The following HSPG2 variants were observed in gnomAD, a reference collection of about 807,000 sequenced individuals.
The protein encoded by HSPG2 is basement membrane-specific heparan sulfate proteoglycan core protein.
HSPG2 carries 278 observed loss-of-function variants against 526.6 expected under a neutral mutation model. The ratio of observed to expected loss-of-function variants is 0.53; its 90% confidence interval spans 0.48 to 0.58. The LOEUF (loss-of-function observed/expected upper bound fraction) is 0.58, where lower values mean the gene tolerates loss of function less well. HSPG2 is among the 20% of genes least tolerant of loss of function. The pLI is 0.00. For missense variants in HSPG2, 5,354 were observed against 6,099.5 expected, an observed-to-expected ratio of 0.88 and a Z score of 4.07; for synonymous variants, 2,465 against 2,555.4, an observed-to-expected ratio of 0.96 and a Z score of 1.07.
intron 1 of HSPG2, among the ~76,000 whole-genome samples, chr1:21,919,706 C>A (rs940121457): frequency 6.6e-6 from 1 of 152,172 alleles, no homozygotes; most frequent in African/African-American, 2.4e-5. Context: ...CGTGCAGATT[C>A]TGAGTCAGTA....
intron 25 of HSPG2, among the ~76,000 whole-genome samples, chr1:21,875,421 C>A (rs576867976): frequency 2.6e-5 from 4 of 152,294 alleles, no homozygotes; most frequent in South Asian, 4.1e-4. Context: ...ATCACATGCA[C>A]CCCAATCCCC....
rs2229493 is a variant in HSPG2, at chr1:21,833,550, C to T, written c.10895G>A (p.Arg3632Gln). ...ENNMLMLPSVRPQDAGTYVCT... is the reference protein window; with the variant it reads ...ENNMLMLPSVQPQDAGTYVCT... ...GACGTAGGTACCTGCGTCCTGGGGT[C>T]GGACTGAGGGCAGCATCAGCATGTT... The change falls in exon 79 of 97, where the codon CGA becomes CAA. Residue 3632 changes from arginine (R) to glutamine (Q), a missense_variant. Transcript: ENST00000374695. 0.084 allele frequency: 136,107 copies of T among 1,613,860 alleles called. 6,534 individuals carry two copies. Among genetic ancestry groups the T allele is most frequent in the African/African-American group, 0.18 (13,239 of 74,938 alleles).
intron 1 of HSPG2, among the ~76,000 whole-genome samples, chr1:21,902,724 C>T (rs1643167950): frequency 3.9e-5 from 6 of 152,364 alleles, no homozygotes; most frequent in Middle Eastern, 6.8e-3. Context: ...CCATCCAGGG[C>T]TTCTCGGGAG....
In HSPG2 at chr1:21,828,855, A is replaced by C; in HGVS notation, c.12217T>G (p.Phe4073Val). The C allele has an allele frequency of 6.4e-7, 1 of 1,551,212 alleles. No individual in the cohort carries two copies. Among genetic ancestry groups the C allele is most frequent in the Non-Finnish European group, 8.7e-7 (1 of 1,147,146 alleles). Residue 4073 changes from phenylalanine to valine, a missense_variant, in exon 88 of 97, where the codon TTC (phenylalanine) becomes GTC (valine). Coordinates refer to ENST00000374695, the MANE Select transcript of HSPG2 (RefSeq NM_005529.7). The surrounding 1 kb of genome is among the most constrained non-coding windows in gnomAD (Gnocchi z 6.0). The stretch of plus-strand genomic sequence containing the variant: ...CTTACCTCGCCCACACAGCCGCGGA[A>C]GTGAGCGCTCATGTTGGTGGCCGGG... Reference protein sequence around the residue: ...LSPATNMSAHFRGCVGEVSVN... With the variant: ...LSPATNMSAHVRGCVGEVSVN...
chr1:21,895,408 C>T lies in HSPG2; in HGVS notation c.244+514G>A, dbSNP rs1297783429. Among the ~76,000 whole-genome samples, 3 of 152,148 alleles carry T rather than the reference C, an allele frequency of 2.0e-5. No individual in the cohort carries two copies. The highest frequency in any genetic ancestry group is 4.8e-5 in the African/African-American group (2 of 41,430). ...TGCCTCCCTAAGCTAGGAACCCTTG[C>T]TTCCCAGCCGATGACCCACCTTAAG... On this transcript the variant is annotated intron_variant, in intron 3 of 96. Coordinates refer to ENST00000374695, the MANE Select transcript of HSPG2 (RefSeq NM_005529.7). This position sits in a 1 kb window ranked among gnomAD's most constrained non-coding sequence, Gnocchi z 4.1.
chr1:21,872,856 C>A lies in HSPG2; in HGVS notation c.3889-96G>T, dbSNP rs755108580. 34 of 1,546,040 alleles carry A rather than the reference C, an allele frequency of 2.2e-5. No individual in the cohort carries two copies. The highest frequency in any genetic ancestry group is 1.7e-4 in the Middle Eastern group (1 of 5,988). ...CAGCCTCCCTGGCCACTTCCAGCAG[C>A]CCCGGGCAGCCCCTGCCCTGTCCCC... On this transcript the variant is annotated intron_variant, in intron 31 of 96. Transcript: ENST00000374695. This position sits in a 1 kb window ranked among gnomAD's most constrained non-coding sequence, Gnocchi z 5.5.
chr1:21,864,986 C>T lies in HSPG2; in HGVS notation c.4483G>A (p.Ala1495Thr), dbSNP rs1198962920. ...LADLDELLIR[A>T]TFSSVPLAAS... Reference sequence around the variant, plus strand: ...GCCAGCGGCACGGAGGAGAACGTGGCCCGGATCAGGAGCTCATCCAGGTCG... The same window carrying T: ...GCCAGCGGCACGGAGGAGAACGTGGTCCGGATCAGGAGCTCATCCAGGTCG... Residue 1495 changes from alanine (A) to threonine (T), a missense_variant, in exon 36 of 97, where the codon GCC (alanine) becomes ACC (threonine). Physicochemically the swap from Ala to Thr is moderately conservative, Grantham distance 58. Transcript: ENST00000374695. This position sits in a 1 kb window ranked among gnomAD's most constrained non-coding sequence, Gnocchi z 4.8. 5 of 1,587,812 alleles carry T rather than the reference C, an allele frequency of 3.1e-6. No homozygotes were observed. Among genetic ancestry groups the T allele is most frequent in the Non-Finnish European group, 3.4e-6 (4 of 1,169,354 alleles).
intron 75 of HSPG2, 91 bp downstream of exon 75, chr1:21,836,711 T>C (rs1482000116): frequency 9.0e-7 from 1 of 1,110,494 alleles, no homozygotes; most frequent in Non-Finnish European, 1.3e-6. Flanking sequence ...GTGCTTCATG[T>C]TGCGCCCCCT....
At position 21,864,193 on chromosome 1, in the gene HSPG2, C is replaced by T. The variant is rs148362276; in HGVS notation, c.4647G>A (p.Thr1549=). The T allele has an allele frequency of 3.9e-4, 613 of 1,552,798 alleles. No individual in the cohort carries two copies. Among genetic ancestry groups the T allele is most frequent in the Non-Finnish European group, 5.1e-4 (585 of 1,148,006 alleles). ...LSCQDCAPGY[T]RTGSGLYLGH... ...CGAGGTAGAGCCCACTCCCGGTGCG[C>T]GTGTAGCCGGGGGCACAGTCCTAGG... The change falls in exon 37 of 97, where the codon ACG becomes ACA. Residue 1549 remains threonine, a synonymous_variant. Transcript: ENST00000374695. This position sits in a 1 kb window ranked among gnomAD's most constrained non-coding sequence, Gnocchi z 4.8.
rs2098051032 is a variant in HSPG2 at position 21,842,113 on chromosome 1, G to T, written c.9082C>A (p.Pro3028Thr). The change falls in exon 69 of 97, where the codon CCG becomes ACG. Residue 3028 changes from proline to threonine, a missense_variant. By Grantham distance (38) the Pro-to-Thr change is conservative. Coordinates refer to ENST00000374695, the MANE Select transcript of HSPG2 (RefSeq NM_005529.7). ...CCCTGCTGCACGGTGCTGCTGGGCGGGTCGATGGAGATGACCGGGCTCCTA... is the reference window on the plus strand; with the variant it reads ...CCCTGCTGCACGGTGCTGCTGGGCGTGTCGATGGAGATGACCGGGCTCCTA... ...RLRSPVISID[P>T]PSSTVQQGQD... 6.2e-7 allele frequency: 1 copy of T among 1,613,682 alleles called. No homozygotes were observed.
chr1:21,860,164 T>C lies in HSPG2; in HGVS notation c.5014+13A>G. 6.2e-7 allele frequency: 1 copy of C among 1,613,620 alleles called. No homozygotes were observed. The highest frequency in any genetic ancestry group is 1.1e-5 in the South Asian group (1 of 91,078). ...TGCCCATCGTCCCCATCCTGGGCCATGGTCCCACTTACTCTCTGGCAGGCA... is the reference window on the plus strand; with the variant it reads ...TGCCCATCGTCCCCATCCTGGGCCACGGTCCCACTTACTCTCTGGCAGGCA... On this transcript the variant is annotated intron_variant, in intron 40 of 96. Coordinates refer to ENST00000374695, the MANE Select transcript of HSPG2 (RefSeq NM_005529.7).
chr1:21,870,755 C>T (rs574566105), intron 33 of HSPG2: 269 of 842,792 alleles, frequency 3.2e-4, no homozygotes, highest in Admixed American at 1.7e-3. Context: ...TGCGCATCTC[C>T]CCACGCAGGG....
chr1:21,902,162 G>T (rs573461621), intron 1 of HSPG2, among the ~76,000 whole-genome samples: 1 of 152,160 alleles, frequency 6.6e-6, no homozygotes, highest in Non-Finnish European at 1.5e-5. Context: ...CTCAGAGCCC[G>T]ACACAAAGGC....
chr1:21,842,493 C>A, intron 67 of HSPG2, 113 bp from the exon 68 acceptor site: 1 of 1,229,312 alleles, frequency 8.1e-7, no homozygotes, highest in South Asian at 1.6e-5. Context: ...AGGGTCTCAG[C>A]TGGTAGGGCT....
In HSPG2 at chr1:21,839,018, C is replaced by A. The variant is rs1557691404; in HGVS notation, c.9957G>T (p.Gln3319His). ...GTGGGGGTGTCCCGTGAGCCAGGCA[C>A]TGGAGCTGCACCGTCTCCCCTGCCT... Reference protein sequence around the residue: ...SVQAGETVQLQCLAHGTPPLT... With the variant: ...SVQAGETVQLHCLAHGTPPLT... Residue 3319 changes from glutamine (Q) to histidine (H), a missense_variant, in exon 74 of 97, where the codon CAG becomes CAT. Gln to His is a conservative substitution (Grantham distance 24). Coordinates refer to ENST00000374695, the MANE Select transcript of HSPG2 (RefSeq NM_005529.7). The surrounding 1 kb of genome is among the most constrained non-coding windows in gnomAD (Gnocchi z 4.5). 1 of 1,607,754 alleles carries A rather than the reference C, an allele frequency of 6.2e-7. No homozygotes were observed. Among genetic ancestry groups the A allele is most frequent in the South Asian group, 1.1e-5 (1 of 90,848 alleles).
chr1:21,846,208 C>G lies in HSPG2; in HGVS notation c.8364G>C (p.Ser2788=), dbSNP rs377366418. ...LRLHHVSPAD[S]GEYVCRVMGS... ...CCATCACCCGGCACACGTATTCACC[C>G]GAGTCGGCCGGGGACACATGGTGCA... Residue 2788 remains serine (S), a synonymous_variant, in exon 64 of 97, where the codon TCG becomes TCC. Transcript: ENST00000374695. The G allele has an allele frequency of 6.2e-7, 1 of 1,613,040 alleles. No individual in the cohort carries two copies. The highest frequency in any genetic ancestry group is 8.5e-7 in the Non-Finnish European group (1 of 1,179,994).
At chr1:21,917,484 A>AATAAAT (rs1426698595) in intron 1 of HSPG2, among the ~76,000 whole-genome samples, 1 of 147,748 alleles carries the variant, frequency 6.8e-6, no homozygotes, top group Non-Finnish European at 1.5e-5. Context: ...TAAATAAATA[A>AATAAAT]AAATAAAAGA....
At chr1:21,920,296 G>C (rs944035105) in intron 1 of HSPG2, among the ~76,000 whole-genome samples, 16 of 152,260 alleles carry the variant, frequency 1.1e-4, no homozygotes, top group African/African-American at 3.9e-4. Context: ...GGCAGAGGCA[G>C]GATTCAAGGC....
chr1:21,836,912 G>A lies in HSPG2; in HGVS notation c.10245C>T (p.Ala3415=), dbSNP rs371778068. 54 of 1,560,910 alleles carry A rather than the reference G, an allele frequency of 3.5e-5. No individual in the cohort carries two copies. The East Asian group carries it at 8.4e-4, about 24-fold the overall frequency. Residue 3415 remains alanine (A), a synonymous_variant, in exon 75 of 97, where the codon GCC becomes GCT. Transcript: ENST00000374695. ...GCACAGCACAGTGGAACTCAACGCT[G>A]GCCCCAATGCTCTTGGTCTCTAGCT... The part of the protein sequence containing the change: ...TPQLETKSIG[A]SVEFHCAVPS...
Sources: gnomAD v4.1 joint callset for allele counts (sites outside exome capture counted in the v4.1 genomes callset) on GRCh38, gnomAD v4.1.1 for gene constraint, Gnocchi (gnomAD v3.1) non-coding constraint, MANE v1.5 for transcripts, NCBI Gene and HGNC (gene_info 2026-07-23, HGNC 2026-07-21) for gene names.